Variants in TSPAN14 observed in about 807,000 individuals in gnomAD.
The protein encoded by TSPAN14 is tetraspanin-14.
In TSPAN14, 16 loss-of-function variants were observed where a neutral mutation model predicts 36.6. That is an observed-to-expected ratio of 0.44 (90% CI 0.30 to 0.66). TSPAN14 has a LOEUF of 0.66. Ranked by LOEUF, TSPAN14 falls within the 30% of genes least tolerant of loss-of-function variation. TSPAN14 has a pLI of 0.12. For missense variants in TSPAN14, 231 were observed against 355.1 expected (o/e 0.65, Z 2.81); for synonymous variants, 139 against 143.8 (o/e 0.97, Z 0.24).
chr10:80,495,973 C>G (rs1270066460), intron 2 of TSPAN14, among the ~76,000 whole-genome samples: 1 of 152,148 alleles, frequency 6.6e-6, no homozygotes, highest in East Asian at 1.9e-4. Context: ...CCTCCTGTTG[C>G]TATAAATTAA....
At chr10:80,454,853 G>T (rs1294303086) in intron 1 of TSPAN14, among the ~76,000 whole-genome samples, 1 of 152,134 alleles carries the variant, frequency 6.6e-6, no homozygotes, top group Non-Finnish European at 1.5e-5. Flanking sequence ...CGGGGTGGGG[G>T]TGGGCGTAGG....
chr10:80,518,109 G>A (rs139918543), exon 9 of TSPAN14: 4 of 942,214 alleles, frequency 4.2e-6, no homozygotes, highest in African/African-American at 1.6e-5. Flanking sequence ...TCAGCGTGAC[G>A]TGACCTCTCT....
intron 1 of TSPAN14, among the ~76,000 whole-genome samples, chr10:80,465,039 A>C (rs1589236348): frequency 6.6e-6 from 1 of 152,026 alleles, no homozygotes; most frequent in South Asian, 2.1e-4. Flanking sequence ...CTCTGTCAAG[A>C]TCCCCCTTCG....
Position 80,469,456 on chromosome 10 carries a change from C to T in TSPAN14, c.-18+15085C>T, listed in dbSNP as rs532298885. 9.7e-4 allele frequency among the ~76,000 whole-genome samples: 148 copies of T among 152,264 alleles called. 1 individual carries two copies. Among genetic ancestry groups the T allele is most frequent in the Admixed American group, 1.4e-3 (22 of 15,294 alleles). The stretch of plus-strand genomic sequence containing the variant: ...GATTTCACTTTACGCCTGCACATCC[C>T]CTGCATTCTGGCGAAGGTTGGGGCT... On this transcript the variant is annotated intron_variant, in intron 1 of 8. Transcript: ENST00000429989.
intron 1 of TSPAN14, among the ~76,000 whole-genome samples, chr10:80,470,694 A>G (rs531948884): frequency 2.6e-5 from 4 of 152,342 alleles, no homozygotes; most frequent in Admixed American, 2.6e-4. Flanking sequence ...TTAAAGACCC[A>G]GTTATTGGAG....
At position 80,488,715 on chromosome 10, in the gene TSPAN14, A is replaced by G. The variant is rs147133209; in HGVS notation, c.-17-502A>G. ...CATGTCCAGACCTGCCTGCACGTTC[A>G]TCTCCCAAACATGGCTCTTTGTGGT... On this transcript the variant is annotated intron_variant, in intron 1 of 8. Coordinates refer to ENST00000429989, the Ensembl canonical transcript of TSPAN14. 1.6e-3 allele frequency among the ~76,000 whole-genome samples: 243 copies of G among 151,998 alleles called. 2 individuals carry two copies. Among genetic ancestry groups the G allele is most frequent in the African/African-American group, 5.2e-3 (215 of 41,464 alleles).
At chr10:80,497,521 A>T (rs1848260920) in intron 2 of TSPAN14, among the ~76,000 whole-genome samples, 1 of 152,176 alleles carries the variant, frequency 6.6e-6, no homozygotes, top group African/African-American at 2.4e-5. Flanking sequence ...AGCTGAAAAT[A>T]TTTACTATTT....
chr10:80,468,162 C>T (rs572963671), intron 1 of TSPAN14, among the ~76,000 whole-genome samples: 2 of 152,252 alleles, frequency 1.3e-5, no homozygotes, highest in East Asian at 3.9e-4. Flanking sequence ...GGCCCAGCCT[C>T]CATCCTCTGG....
intron 3 of TSPAN14, 87 bp from the exon 4 acceptor site, chr10:80,507,141 G>A: frequency 6.5e-7 from 1 of 1,535,524 alleles, no homozygotes; most frequent in Non-Finnish European, 8.9e-7. Context: ...GCAAGTCCCT[G>A]TTTTCAGTAC....
intron 1 of TSPAN14, among the ~76,000 whole-genome samples, chr10:80,480,365 AGT>A (rs1847191439): frequency 2.6e-5 from 4 of 152,218 alleles, no homozygotes; most frequent in Admixed American, 2.6e-4. Flanking sequence ...CATCCCAGTC[AGT>A]GTGGCGATTC....
chr10:80,496,989 T>C (rs113111066), intron 2 of TSPAN14, among the ~76,000 whole-genome samples: 15 of 152,296 alleles, frequency 9.8e-5, no homozygotes, highest in African/African-American at 3.6e-4. Context: ...TTCTTGCCTA[T>C]CTAGTAACTT....
chr10:80,502,651 G>T (rs12773636), intron 2 of TSPAN14, among the ~76,000 whole-genome samples: 22,388 of 151,982 alleles, frequency 0.15, 2,089 homozygotes, highest in South Asian at 0.29. Flanking sequence ...AGAGTTGGGG[G>T]GAGCTCGGTT....
At chr10:80,484,978 C>G (rs1447114581) in intron 1 of TSPAN14, among the ~76,000 whole-genome samples, 1 of 152,136 alleles carries the variant, frequency 6.6e-6, no homozygotes, top group Non-Finnish European at 1.5e-5. Flanking sequence ...CTCCCTTTGC[C>G]CTGTTTTGAG....
intron 7 of TSPAN14, among the ~76,000 whole-genome samples, chr10:80,514,498 G>C (rs1024951456): frequency 2.6e-5 from 4 of 152,178 alleles, no homozygotes; most frequent in African/African-American, 9.7e-5. Flanking sequence ...GCGAGGCTCT[G>C]TCCTCCAGGA....
At chr10:80,488,529 T>TG (rs755630158) in intron 1 of TSPAN14, among the ~76,000 whole-genome samples, 19 of 142,166 alleles carry the variant, frequency 1.3e-4, no homozygotes, top group Admixed American at 4.9e-4. Flanking sequence ...TGAGGTGGAG[T>TG]GGGGGGCGAG....
At chr10:80,478,084 T>A (rs1379032956) in intron 1 of TSPAN14, among the ~76,000 whole-genome samples, 1 of 151,690 alleles carries the variant, frequency 6.6e-6, no homozygotes, top group Non-Finnish European at 1.5e-5. Context: ...AAGTGCCTAA[T>A]ATGAAGGAAA....
intron 1 of TSPAN14, among the ~76,000 whole-genome samples, chr10:80,465,433 G>A (rs1459841706): frequency 6.6e-6 from 1 of 152,204 alleles, no homozygotes; most frequent in Admixed American, 6.5e-5. Context: ...CTGGCAGTGG[G>A]CAGCAGGCAG....
rs117895634 is a variant in TSPAN14, at chr10:80,460,503, G to T, written c.-18+6132G>T. ...GGGACAGAATCTCTGTCAGTATCCC[G>T]TGGTTGGCAGTGTCCTGTCCATTCT... On this transcript the variant is annotated intron_variant, in intron 1 of 8. Coordinates refer to ENST00000429989, the Ensembl canonical transcript of TSPAN14. Among the ~76,000 whole-genome samples, 407 of 152,304 alleles carry T rather than the reference G, an allele frequency of 2.7e-3. 4 individuals are homozygous for T. The highest frequency in any genetic ancestry group is 9.4e-3 in the African/African-American group (390 of 41,566).
chr10:80,511,716 CTCTCTCTCTCT>C (rs1840641186), intron 5 of TSPAN14, among the ~76,000 whole-genome samples: 2 of 16,378 alleles, frequency 1.2e-4, no homozygotes, highest in Non-Finnish European at 2.1e-4. Flanking sequence ...CAGGTCCTCT[CTCTCTCTCTCT>C]CTCTCTCTCT....
Sources: allele counts gnomAD v4.1 joint callset (sites outside exome capture counted in the v4.1 genomes callset), GRCh38; gene constraint gnomAD v4.1.1; transcripts MANE v1.5; gene names NCBI Gene and HGNC (gene_info 2026-07-23, HGNC 2026-07-21).